Variants in LONP2 observed in about 807,000 individuals in gnomAD.
LONP2 encodes the protein lon peptidase 2, peroxisomal, also known as lon protease homolog 2, peroxisomal.
LONP2 carries 60 observed loss-of-function variants against 85.6 expected under a neutral mutation model. The observed-to-expected ratio is 0.70, with a 90% CI of 0.57 to 0.87. The LOEUF is 0.87. Among genes scored for constraint, LONP2 ranks in the 40% least tolerant of loss-of-function variants. The pLI is 0.00. For synonymous variants in LONP2, 395 were observed against 389.7 expected (o/e 1.01, Z -0.16); for missense variants, 860 against 1,063.5 (o/e 0.81, Z 2.66).
chr16:48,358,502 C>T (rs1377290420), downstream of LONP2, among the ~76,000 whole-genome samples: 1 of 152,152 alleles, frequency 6.6e-6, no homozygotes, highest in Non-Finnish European at 1.5e-5. Flanking sequence ...CAAGGTAATA[C>T]ATAAAAGGGC....
At position 48,296,079 on chromosome 16, in the gene LONP2, C is replaced by G; in HGVS notation, c.1448C>G (p.Ser483Cys). The G allele has an allele frequency of 6.2e-7, 1 of 1,614,150 alleles. No homozygotes were observed. ...TATCTAAATGTGGCCTTTGACCTTT[C>G]TCAAGTTCTTTTTATAGCTACTGCC... ...DHYLNVAFDL[S>C]QVLFIATANT... The change falls in exon 9 of 15, where the codon TCT becomes TGT. Residue 483 changes from serine to cysteine, a missense_variant. Physicochemically the swap from Ser to Cys is moderately radical, Grantham distance 112. Coordinates refer to ENST00000285737, the MANE Select transcript of LONP2 (RefSeq NM_031490.5).
intron 8 of LONP2, among the ~76,000 whole-genome samples, chr16:48,293,716 G>A (rs1214310266): frequency 1.3e-5 from 2 of 152,108 alleles, no homozygotes; most frequent in Non-Finnish European, 2.9e-5. Context: ...GAACAGATAC[G>A]TATGGGTATG....
intron 12 of LONP2, among the ~76,000 whole-genome samples, chr16:48,338,222 C>CGTT (rs987105425): frequency 1.3e-5 from 2 of 152,180 alleles, no homozygotes; most frequent in Non-Finnish European, 2.9e-5. Flanking sequence ...TATTAAGGAC[C>CGTT]TAACATGTGC....
At position 48,347,708 on chromosome 16, in the gene LONP2, A is replaced by G; in HGVS notation, c.2140A>G (p.Thr714Ala). 1 of 1,612,696 alleles carries G rather than the reference A, an allele frequency of 6.2e-7. No individual in the cohort carries two copies. The highest frequency in any genetic ancestry group is 2.2e-5 in the East Asian group (1 of 44,864). Residue 714 changes from threonine to alanine, a missense_variant, in exon 13 of 15, where the codon ACC becomes GCC. Coordinates refer to ENST00000285737, the MANE Select transcript of LONP2 (RefSeq NM_031490.5). ...LRSNAKKYQL[T>A]NAFGSFDLLD... ...CAGCAACGCAAAGAAGTACCAGCTG[A>G]CCAATGGTAGGAGCCTGCACCCGGC...
At chr16:48,315,062 G>A (rs139624927) in intron 11 of LONP2, among the ~76,000 whole-genome samples, 75 of 152,308 alleles carry the variant, frequency 4.9e-4, no homozygotes, top group African/African-American at 1.7e-3. Flanking sequence ...GACAAAGTAA[G>A]CAGGATAAAA....
chr16:48,251,351 C>G (rs1268877718), intron 1 of LONP2, among the ~76,000 whole-genome samples: 8 of 152,108 alleles, frequency 5.3e-5, no homozygotes, highest in Non-Finnish European at 1.2e-4. Flanking sequence ...TTTTATATAA[C>G]TGACTTAGTT....
intron 8 of LONP2, among the ~76,000 whole-genome samples, chr16:48,280,572 T>A (rs570457664): frequency 1.3e-5 from 2 of 152,324 alleles, no homozygotes; most frequent in South Asian, 4.1e-4. Flanking sequence ...GTCGATTTAT[T>A]AGCATTCAAA....
At chr16:48,351,338 T>C (rs981791654) in intron 14 of LONP2, among the ~76,000 whole-genome samples, 1 of 152,190 alleles carries the variant, frequency 6.6e-6, no homozygotes, top group Admixed American at 6.5e-5. Flanking sequence ...GAGGAACTCA[T>C]ACCTATCAAC....
intron 8 of LONP2, among the ~76,000 whole-genome samples, chr16:48,278,923 T>G (rs1972269406): frequency 5.3e-5 from 8 of 152,180 alleles, no homozygotes; most frequent in Admixed American, 5.2e-4. Flanking sequence ...TCTCCACTTT[T>G]ATGTTTTGCT....
rs1960378630 is a variant in LONP2, at chr16:48,356,740, T to TA, written c.*4939dup. 1 of 327,482 alleles carries TA rather than the reference T, an allele frequency of 3.1e-6. No homozygotes were observed. The highest frequency in any genetic ancestry group is 2.2e-5 in the African/African-American group (1 of 45,600). 20.3% of individuals were successfully genotyped at this position (327,482 alleles called of 1,614,324 possible). A position where few individuals can be genotyped will look rare whatever the true frequency, so the allele number is the denominator to read the frequency against. On this transcript the variant is annotated 3_prime_UTR_variant, in exon 15 of 15. Transcript: ENST00000285737. Reference sequence around the variant, plus strand: ...GTGGTCATTGAGATGTTTTAAAAGTTACAGCAAAAGGACTTCTAAAACAAT... The same window carrying TA: ...GTGGTCATTGAGATGTTTTAAAAGTTAACAGCAAAAGGACTTCTAAAACAAT...
chr16:48,358,324 A>G (rs1960450800), downstream of LONP2, among the ~76,000 whole-genome samples: 1 of 152,076 alleles, frequency 6.6e-6, no homozygotes, highest in Admixed American at 6.5e-5. Context: ...GTAAAAAATA[A>G]TCCCAAGAAT....
chr16:48,296,731 A>T (rs1394401776), intron 9 of LONP2, among the ~76,000 whole-genome samples: 2 of 147,508 alleles, frequency 1.4e-5, no homozygotes, highest in African/African-American at 4.9e-5. Flanking sequence ...TCAAAAAAAA[A>T]AAAAAAAAAA....
chr16:48,257,837 C>A (rs528861016), intron 3 of LONP2, among the ~76,000 whole-genome samples: 2 of 152,242 alleles, frequency 1.3e-5, no homozygotes, highest in South Asian at 4.1e-4. Context: ...TGGGCGGCAG[C>A]AGTGTGTTTT....
At chr16:48,298,629 GTGTGT>G (rs1972729212) in intron 9 of LONP2, among the ~76,000 whole-genome samples, 3 of 111,386 alleles carry the variant, frequency 2.7e-5, no homozygotes, top group African/African-American at 4.0e-5. Context: ...TAATTGAGGT[GTGTGT>G]GTGTGTGTGT....
At chr16:48,258,116 G>A (rs1043739390) in intron 3 of LONP2, among the ~76,000 whole-genome samples, 1 of 152,132 alleles carries the variant, frequency 6.6e-6, no homozygotes, top group African/African-American at 2.4e-5. Flanking sequence ...GGGAGGCCGA[G>A]GTGGGAAGAT....
intron 12 of LONP2, 140 bp from the exon 13 acceptor site, chr16:48,347,367 C>A (rs1418989097): frequency 2.7e-6 from 2 of 739,036 alleles, no homozygotes; most frequent in Non-Finnish European, 4.7e-6. Flanking sequence ...GAATGTGACG[C>A]AGAATCATGT....
Position 48,258,681 on chromosome 16 carries a change from A to G in LONP2, c.664A>G (p.Ile222Val). The G allele has an allele frequency of 6.2e-7, 1 of 1,612,560 alleles. No homozygotes were observed. Among genetic ancestry groups the G allele is most frequent in the African/African-American group, 1.3e-5 (1 of 74,892 alleles). The change falls in exon 4 of 15, where the codon ATT becomes GTT. Residue 222 changes from isoleucine (I) to valine (V), a missense_variant. Ile to Val is a conservative substitution (Grantham distance 29, BLOSUM62 3). Transcript: ENST00000285737. ...KMTIPLLVRQIEGLKLLQKTR... is the reference protein window; with the variant it reads ...KMTIPLLVRQVEGLKLLQKTR... ...GACTATACCACTGCTTGTCAGACAAATTGAAGGCCTGAAATTGCTTCAAAA... is the reference window on the plus strand; with the variant it reads ...GACTATACCACTGCTTGTCAGACAAGTTGAAGGCCTGAAATTGCTTCAAAA...
chr16:48,325,079 G>T (rs1202917595), intron 11 of LONP2, among the ~76,000 whole-genome samples: 4 of 152,170 alleles, frequency 2.6e-5, no homozygotes, highest in African/African-American at 9.7e-5. Context: ...GACCTGTGGG[G>T]TGGTGGTTTC....
At chr16:48,292,168 G>C (rs962816088) in intron 8 of LONP2, among the ~76,000 whole-genome samples, 1 of 152,180 alleles carries the variant, frequency 6.6e-6, no homozygotes, top group Non-Finnish European at 1.5e-5. Flanking sequence ...TAAATATAGC[G>C]TACAGGAAGC....
Sources: allele counts gnomAD v4.1 joint callset (sites outside exome capture counted in the v4.1 genomes callset), GRCh38; gene constraint gnomAD v4.1.1; transcripts MANE v1.5; gene names NCBI Gene and HGNC (gene_info 2026-07-23, HGNC 2026-07-21).